The following ANGPTL6 variants were observed in gnomAD, a reference collection of about 807,000 sequenced individuals.
ANGPTL6 encodes the protein angiopoietin-related protein 6.
Under a neutral mutation model 47.4 loss-of-function variants are expected in ANGPTL6, and 45 were observed. That is an observed-to-expected ratio of 0.95 (90% CI 0.75 to 1.22). The LOEUF is 1.22. Among genes scored for constraint, ANGPTL6 ranks in the 50% most tolerant of loss-of-function variants. The probability of loss-of-function intolerance (pLI) is 0.00; values close to 1 mark genes in which losing one functional copy is unlikely to be tolerated. For missense variants in ANGPTL6, 698 were observed against 669.4 expected (o/e 1.04, Z -0.47); for synonymous variants, 290 against 295.9 (o/e 0.98, Z 0.20).
In ANGPTL6 at chr19:10,092,849, G is replaced by A. The variant is rs1404066227; in HGVS notation, c.1223-70C>T. ...CCTCTACCTGCACCTCACAGTGCAA[G>A]GCTTTTGCCAGGCATCCCCTGGCCC... On this transcript the variant is annotated intron_variant, in intron 5 of 5. Coordinates refer to ENST00000253109, the MANE Select transcript of ANGPTL6 (RefSeq NM_031917.3). 4.4e-6 allele frequency: 6 copies of A among 1,350,096 alleles called. No homozygotes were observed. The East Asian group carries it at 1.5e-4, about 34-fold the overall frequency. 83.6% of individuals were successfully genotyped at this position (1,350,096 alleles called of 1,614,324 possible). A position where few individuals can be genotyped will look rare whatever the true frequency, so the allele number is the denominator to read the frequency against.
intron 1 of ANGPTL6, among the ~76,000 whole-genome samples, chr19:10,100,958 C>T (rs1278319255): frequency 2.6e-5 from 4 of 151,252 alleles, no homozygotes; most frequent in African/African-American, 9.7e-5. Flanking sequence ...CCTGTAATCC[C>T]AGCACTTTGG....
chr19:10,104,542 A>C (rs1414262459), upstream of ANGPTL6, among the ~76,000 whole-genome samples: 1 of 152,206 alleles, frequency 6.6e-6, no homozygotes, highest in African/African-American at 2.4e-5. Context: ...TCAGAGCTTT[A>C]ACATGTTAAA....
chr19:10,092,836 C>T (rs752838801), intron 5 of ANGPTL6, 57 bp from the exon 6 acceptor site: 140 of 1,427,306 alleles, frequency 9.8e-5, no homozygotes, highest in Non-Finnish European at 1.2e-4. Flanking sequence ...TCTACCTGCA[C>T]CTCACAGTGC....
rs542752511 is a variant in ANGPTL6, at chr19:10,097,297, G to A, written c.-10-724C>T. Among the ~76,000 whole-genome samples the A allele has an allele frequency of 2.0e-5, 3 of 151,368 alleles. No individual in the cohort carries two copies. In the East Asian group the frequency reaches 5.9e-4, roughly 30 times the overall value. On this transcript the variant is annotated intron_variant, in intron 1 of 5. Transcript: ENST00000253109. ...GGCAAGGGCTTGTCATCCCAAGATCGCCTGAGCCCAGCAGTTCCAGGCTGC... is the reference window on the plus strand; with the variant it reads ...GGCAAGGGCTTGTCATCCCAAGATCACCTGAGCCCAGCAGTTCCAGGCTGC...
chr19:10,101,852 ATCCCAGCACTTGGGAGGCC>A, intron 1 of ANGPTL6, among the ~76,000 whole-genome samples: 1 of 147,164 alleles, frequency 6.8e-6, no homozygotes, highest in African/African-American at 2.5e-5. Flanking sequence ...CACGCCTGTA[ATCCCAGCACTTGGGAGGCC>A]AAGGCAGGTG....
At chr19:10,104,098 A>T (rs866318840), upstream of ANGPTL6, among the ~76,000 whole-genome samples, 1 of 151,248 alleles carries the variant, frequency 6.6e-6, no homozygotes, top group African/African-American at 2.4e-5. Flanking sequence ...AAAAAAAAAA[A>T]AAAGAAAAGA....
In ANGPTL6 at chr19:10,095,000, CAG is replaced by C. The variant is rs1478270346; in HGVS notation, c.583-64_583-63del. ...ACCCTCAGGCCAGGAGGCCTGGTCT[CAG>C]GGGCAGAAATGGTGGATAAATCTCC... On this transcript the variant is annotated intron_variant, in intron 2 of 5. Transcript: ENST00000253109. 6.9e-6 allele frequency: 10 copies of C among 1,459,710 alleles called. No homozygotes were observed. In the African/African-American group the frequency reaches 1.1e-4, roughly 17 times the overall value. The allele number at this position is 1,459,710 out of a possible 1,614,324, so 90.4% of individuals were successfully genotyped here.
At position 10,096,004 on chromosome 19, in the gene ANGPTL6, C is replaced by G. The variant is rs771739756; in HGVS notation, c.560G>C (p.Gly187Ala). The G allele has an allele frequency of 8.2e-6, 11 of 1,349,188 alleles. No homozygotes were observed. The highest frequency in any genetic ancestry group is 9.6e-6 in the Non-Finnish European group (10 of 1,045,772). The allele number at this position is 1,349,188 out of a possible 1,614,324, so 83.6% of individuals were successfully genotyped here. ...LIARLERLCP[G>A]GAGGQQQVLP... ...TACCTGCTGCTGCCCGCCCGCGCCT[C>G]CCGGGCACAGGCGCTCCAGGCGGGC... The change falls in exon 2 of 6, where the codon GGA becomes GCA. Residue 187 changes from glycine to alanine, a missense_variant. By Grantham distance (60) the Gly-to-Ala change is moderately conservative. Coordinates refer to ENST00000253109, the MANE Select transcript of ANGPTL6 (RefSeq NM_031917.3).
intron 1 of ANGPTL6, among the ~76,000 whole-genome samples, 183 bp from the exon 2 acceptor site, chr19:10,096,756 G>A (rs1271020694): frequency 6.6e-6 from 1 of 152,216 alleles, no homozygotes; most frequent in Non-Finnish European, 1.5e-5. Context: ...TCAACACCGA[G>A]CTCTTGGCGC....
chr19:10,098,236 C>T (rs2088594290), intron 1 of ANGPTL6, among the ~76,000 whole-genome samples: 1 of 152,050 alleles, frequency 6.6e-6, no homozygotes, highest in Non-Finnish European at 1.5e-5. Flanking sequence ...CCTGTAATCC[C>T]AGCTCTTTGG....
At chr19:10,104,081 C>CAAAAA (rs33948028), upstream of ANGPTL6, among the ~76,000 whole-genome samples, 46 of 72,134 alleles carry the variant, frequency 6.4e-4, no homozygotes, top group East Asian at 1.2e-3. Flanking sequence ...GACTCTGTCT[C>CAAAAA]AAAAAAAAAA....
intron 1 of ANGPTL6, among the ~76,000 whole-genome samples, chr19:10,099,592 A>C (rs1257976778): frequency 4.0e-5 from 6 of 151,160 alleles, no homozygotes; most frequent in African/African-American, 7.3e-5. Context: ...AAAAAAAAAA[A>C]AAAAAAAAAC....
At position 10,099,526 on chromosome 19, in the gene ANGPTL6, G is replaced by A. The variant is rs562822828; in HGVS notation, c.-10-2953C>T. 1.4e-3 allele frequency among the ~76,000 whole-genome samples: 191 copies of A among 141,042 alleles called. 1 individual carries two copies. Among genetic ancestry groups the A allele is most frequent in the Middle Eastern group, 8.5e-3 (2 of 236 alleles). 92.5% of individuals were successfully genotyped at this position (141,042 alleles called of 152,430 possible). ...CGGGAGGCAGAGCTTGCAGTGAGCC[G>A]AGACTGTGCCACTGCACTCTAGCCT... On this transcript the variant is annotated intron_variant, in intron 1 of 5. Coordinates refer to ENST00000253109, the MANE Select transcript of ANGPTL6 (RefSeq NM_031917.3).
upstream of ANGPTL6, among the ~76,000 whole-genome samples, chr19:10,103,908 G>C (rs557557285): frequency 2.2e-4 from 33 of 151,196 alleles, no homozygotes; most frequent in Non-Finnish European, 3.2e-4. Context: ...GCCTGGCCAA[G>C]ATGGTGAAAC....
intron 1 of ANGPTL6, among the ~76,000 whole-genome samples, chr19:10,099,853 TTCTCTC>T (rs140980342): frequency 0.032 from 3,189 of 100,764 alleles, 84 homozygotes; most frequent in East Asian, 0.14. Flanking sequence ...CTTTCTCTCT[TTCTCTC>T]TCTCTCTCTC....
At chr19:10,104,576 T>C (rs1285279574), upstream of ANGPTL6, among the ~76,000 whole-genome samples, 4 of 152,196 alleles carry the variant, frequency 2.6e-5, no homozygotes, top group Admixed American at 2.0e-4. Context: ...ATTGTCATAT[T>C]GGATCTGAAC....
chr19:10,103,613 AAATAAATAAAT>A (rs760939507), upstream of ANGPTL6, among the ~76,000 whole-genome samples: 16,851 of 55,550 alleles, frequency 0.3, 1,542 homozygotes, highest in Non-Finnish European at 0.33. Flanking sequence ...ATAAATAAAT[AAATAAATAAAT>A]AATAAATAAA....
chr19:10,102,492 G>A, intron 1 of ANGPTL6, 76 bp downstream of exon 1: 1 of 948,902 alleles, frequency 1.1e-6, no homozygotes, highest in Non-Finnish European at 1.3e-6. Flanking sequence ...GGTGGCCTGG[G>A]GGCCCCCAAG....
chr19:10,099,835 CTCTCTCTCTTTCTCTCTT>C (rs2088638371), intron 1 of ANGPTL6, among the ~76,000 whole-genome samples: 1 of 138,700 alleles, frequency 7.2e-6, no homozygotes, highest in African/African-American at 2.7e-5. Flanking sequence ...CTCCCTCTCT[CTCTCTCTCTTTCTCTCTT>C]TCTCTCTCTC....
Sources: allele counts gnomAD v4.1 joint callset (sites outside exome capture counted in the v4.1 genomes callset), GRCh38; gene constraint gnomAD v4.1.1; transcripts MANE v1.5; gene names NCBI Gene and HGNC (gene_info 2026-07-23, HGNC 2026-07-21).